The following MAGI1 variants were observed in gnomAD, a reference collection of about 807,000 sequenced individuals.
The protein encoded by MAGI1 is membrane associated guanylate kinase, WW and PDZ domain containing 1.
MAGI1 carries 58 observed loss-of-function variants against 139.9 expected under a neutral mutation model. The ratio of observed to expected loss-of-function variants is 0.41; its 90% CI spans 0.34 to 0.52. The LOEUF is 0.52. Ranked by LOEUF, MAGI1 falls within the 20% of genes least tolerant of loss-of-function variation. The pLI, the probability that MAGI1 is intolerant of heterozygous loss-of-function variation, is 0.12. For synonymous variants in MAGI1, 812 were observed against 737.9 expected, an observed-to-expected ratio of 1.10 and a Z score of -1.63; for missense variants, 1,874 against 1,901.6, an observed-to-expected ratio of 0.99 and a Z score of 0.27.
chr3:65,599,138 GA>G (rs2082366648), intron 2 of MAGI1, among the ~76,000 whole-genome samples: 1 of 152,172 alleles, frequency 6.6e-6, no homozygotes, highest in Admixed American at 6.5e-5. Context: ...AATAGGGCAA[GA>G]GGGGAAAGGA....
intron 1 of MAGI1, among the ~76,000 whole-genome samples, chr3:65,898,179 C>G (rs746965648): frequency 6.6e-6 from 1 of 152,194 alleles, no homozygotes; most frequent in Non-Finnish European, 1.5e-5. Flanking sequence ...CAAAAGGATT[C>G]TTCTCAATGT....
intron 1 of MAGI1, among the ~76,000 whole-genome samples, chr3:65,735,853 G>A (rs191116347): frequency 5.8e-4 from 88 of 152,232 alleles, no homozygotes; most frequent in Middle Eastern, 3.4e-3. Context: ...AATGTGCCAG[G>A]TTATCAAGCA....
At position 65,616,336 on chromosome 3, in the gene MAGI1, A is replaced by G. The variant is rs191889383; in HGVS notation, c.430+5636T>C. On this transcript the variant is annotated intron_variant, in intron 2 of 22. Transcript: ENST00000402939. ...GGGTAGAAGAGAAGGGGAGAAAAAG[A>G]GTAGAAAGCTGATCAAGATAAATGT... Among the ~76,000 whole-genome samples the G allele has an allele frequency of 3.3e-5, 5 of 152,302 alleles. No homozygotes were observed. The East Asian group carries it at 7.7e-4, about 24-fold the overall frequency.
intron 2 of MAGI1, among the ~76,000 whole-genome samples, chr3:65,619,669 G>C (rs866674587): frequency 6.6e-6 from 1 of 152,122 alleles, no homozygotes. Flanking sequence ...GGCTTTCTCA[G>C]TCACATGGGC....
intron 1 of MAGI1, among the ~76,000 whole-genome samples, chr3:66,021,097 T>C (rs2067935057): frequency 6.6e-6 from 1 of 152,192 alleles, no homozygotes; most frequent in Non-Finnish European, 1.5e-5. Context: ...TCACTATTTG[T>C]GGAGGCACTG....
chr3:65,550,468 T>C (rs1312669689), intron 2 of MAGI1, among the ~76,000 whole-genome samples: 3 of 152,188 alleles, frequency 2.0e-5, no homozygotes, highest in African/African-American at 2.4e-5. Context: ...TTGAAAGAAA[T>C]TGGACTCTCT....
At chr3:65,762,517 T>C (rs1361869129) in intron 1 of MAGI1, among the ~76,000 whole-genome samples, 1 of 152,092 alleles carries the variant, frequency 6.6e-6, no homozygotes, top group South Asian at 2.1e-4. Flanking sequence ...TTATTTTACA[T>C]TATAATGATC....
At chr3:65,825,697 A>G (rs897271473) in intron 1 of MAGI1, among the ~76,000 whole-genome samples, 2 of 152,244 alleles carry the variant, frequency 1.3e-5, no homozygotes, top group African/African-American at 4.8e-5. Context: ...TTAAAAATAT[A>G]GATAATTTTC....
chr3:65,369,202 C>T (rs955481705), intron 18 of MAGI1, among the ~76,000 whole-genome samples: 12 of 152,232 alleles, frequency 7.9e-5, no homozygotes, highest in African/African-American at 2.9e-4. Flanking sequence ...TTGGCCTGAC[C>T]AAGGCTGTGA....
chr3:65,538,395 T>C (rs537266711), intron 2 of MAGI1, among the ~76,000 whole-genome samples: 9 of 152,276 alleles, frequency 5.9e-5, no homozygotes, highest in Admixed American at 5.9e-4. Flanking sequence ...CATCCTTCCA[T>C]GTGGTGATAA....
chr3:65,430,891 A>C lies in MAGI1; in HGVS notation c.1364-10T>G. On this transcript the variant is annotated splice_polypyrimidine_tract_variant and intron_variant, in intron 10 of 22. Coordinates refer to ENST00000402939, the MANE Select transcript of MAGI1 (RefSeq NM_001033057.2). ...GTAAAAAAGGGTTTGCCTGGATTAA[A>C]ATAAGAAACGCATAAGGAATGTCAC... 1.2e-6 allele frequency: 2 copies of C among 1,612,486 alleles called. No homozygotes were observed. Among genetic ancestry groups the C allele is most frequent in the Non-Finnish European group, 1.7e-6 (2 of 1,179,182 alleles).
chr3:65,359,372 A>G lies in MAGI1; in HGVS notation c.3634+1827T>C, dbSNP rs997762184. On this transcript the variant is annotated intron_variant, in intron 22 of 22. Transcript: ENST00000402939. ...GCAATCGGAACAGTGACATTTTTAG[A>G]CAGCCATAAGGTGACTCGAGAACCC... 4.4e-6 allele frequency: 6 copies of G among 1,356,534 alleles called. No homozygotes were observed. In the African/African-American group the frequency reaches 7.3e-5, roughly 16 times the overall value. 84.0% of individuals were successfully genotyped at this position (1,356,534 alleles called of 1,614,324 possible).
chr3:65,547,766 T>A (rs2079573735), intron 2 of MAGI1, among the ~76,000 whole-genome samples: 2 of 152,176 alleles, frequency 1.3e-5, no homozygotes, highest in Admixed American at 1.3e-4. Context: ...GATAGCAGTG[T>A]TTGCCCTATG....
chr3:65,490,469 G>T (rs1951924858), intron 3 of MAGI1, among the ~76,000 whole-genome samples: 1 of 152,070 alleles, frequency 6.6e-6, no homozygotes, highest in South Asian at 2.1e-4. Context: ...TCCGATGAGG[G>T]TATATGGCAT....
At chr3:65,487,114 C>T (rs1001351728) in intron 3 of MAGI1, among the ~76,000 whole-genome samples, 9 of 152,236 alleles carry the variant, frequency 5.9e-5, no homozygotes, top group Non-Finnish European at 7.4e-5. Context: ...CAGGGTGTTC[C>T]GCGTTTTTAT....
At chr3:65,431,585 C>CA (rs1158875777) in intron 10 of MAGI1, among the ~76,000 whole-genome samples, 6 of 151,378 alleles carry the variant, frequency 4.0e-5, no homozygotes, top group Admixed American at 2.0e-4. Flanking sequence ...AAACACAAAC[C>CA]AAAAAAACAA....
intron 1 of MAGI1, among the ~76,000 whole-genome samples, chr3:65,788,815 A>G (rs1392897556): frequency 6.6e-6 from 1 of 152,212 alleles, no homozygotes; most frequent in Non-Finnish European, 1.5e-5. Flanking sequence ...CAGTGAAAAC[A>G]CAAGGAAAAT....
intron 1 of MAGI1, among the ~76,000 whole-genome samples, chr3:65,712,700 C>T (rs1224740459): frequency 4.0e-5 from 6 of 151,896 alleles, no homozygotes; most frequent in Admixed American, 2.0e-4. Flanking sequence ...TTAGTAGAGA[C>T]GAGGTTTCAC....
intron 1 of MAGI1, among the ~76,000 whole-genome samples, chr3:65,971,326 C>T (rs2065005313): frequency 6.6e-6 from 1 of 152,184 alleles, no homozygotes; most frequent in African/African-American, 2.4e-5. Context: ...CCTTAAGAGT[C>T]TATGGATTAT....
Sources: gnomAD v4.1 joint callset for allele counts (sites outside exome capture counted in the v4.1 genomes callset) on GRCh38, gnomAD v4.1.1 for gene constraint, MANE v1.5 for transcripts, NCBI Gene and HGNC (gene_info 2026-07-23, HGNC 2026-07-21) for gene names.